The following TF variants were observed in gnomAD, a reference collection of about 807,000 sequenced individuals.
TF encodes the protein serotransferrin.
A neutral mutation model predicts 82.4 loss-of-function variants in TF; 55 were observed. The observed-to-expected ratio is 0.67, with a 90% CI of 0.54 to 0.84. The LOEUF (loss-of-function observed/expected upper bound fraction) is 0.84. TF is among the 40% of genes least tolerant of loss of function. The pLI is 0.00. For synonymous variants in TF, 332 were observed against 332.6 expected, an observed-to-expected ratio of 1.00 and a Z score of 0.02; for missense variants, 737 against 868.4, an observed-to-expected ratio of 0.85 and a Z score of 1.90.
At chr3:133,720,281 T>G in the TF span, among the ~76,000 whole-genome samples, 81 of 152,256 alleles carry the variant, frequency 5.3e-4, no homozygotes, top group East Asian at 5.6e-3. Context: ...CTTTCTGTAC[T>G]TAATTTGTTC....
intron 12 of TF, among the ~76,000 whole-genome samples, chr3:133,766,934 T>A (rs768906956): frequency 2.0e-5 from 3 of 152,202 alleles, no homozygotes; most frequent in Non-Finnish European, 2.9e-5. Context: ...AACTTCTCAT[T>A]GCCCAGAACT....
the TF span, among the ~76,000 whole-genome samples, chr3:133,696,475 G>C: frequency 6.6e-6 from 1 of 152,118 alleles, no homozygotes; most frequent in African/African-American, 2.4e-5. Context: ...CCTTGAATAA[G>C]GTGGGACTCT....
the TF span, among the ~76,000 whole-genome samples, chr3:133,732,231 G>A: frequency 6.6e-6 from 1 of 152,338 alleles, no homozygotes; most frequent in South Asian, 2.1e-4. Flanking sequence ...ATTATTGAGA[G>A]GTGAAGCTGG....
the TF span, among the ~76,000 whole-genome samples, chr3:133,703,664 A>G: frequency 1.3e-5 from 2 of 151,340 alleles, no homozygotes; most frequent in Non-Finnish European, 2.9e-5. Flanking sequence ...ATGTATATGC[A>G]TGTTTTTATC....
chr3:133,694,025 C>T, the TF span, among the ~76,000 whole-genome samples: 68 of 152,322 alleles, frequency 4.5e-4, no homozygotes, highest in South Asian at 6.8e-3. Flanking sequence ...ACACTCCCTC[C>T]GGCATGGGCA....
the TF span, among the ~76,000 whole-genome samples, chr3:133,668,174 C>T: frequency 4.6e-5 from 7 of 152,176 alleles, no homozygotes; most frequent in Non-Finnish European, 7.3e-5. Context: ...CTGAAGGTTA[C>T]GAACATTTTG....
chr3:133,731,846 C>T, the TF span, among the ~76,000 whole-genome samples: 1 of 152,230 alleles, frequency 6.6e-6, no homozygotes, highest in African/African-American at 2.4e-5. Flanking sequence ...GAGTCTTTGA[C>T]TCCAATCCCA....
chr3:133,720,216 T>C, the TF span, among the ~76,000 whole-genome samples: 1 of 152,218 alleles, frequency 6.6e-6, no homozygotes, highest in Admixed American at 6.5e-5. Flanking sequence ...CCTCCTTCAG[T>C]ATGATGTTAG....
At chr3:133,750,204 T>C (rs964063283) in intron 2 of TF, among the ~76,000 whole-genome samples, 8 of 152,178 alleles carry the variant, frequency 5.3e-5, no homozygotes, top group African/African-American at 1.9e-4. Flanking sequence ...CAGGTACATT[T>C]TCCTGGCAGC....
the TF span, among the ~76,000 whole-genome samples, chr3:133,695,064 G>A: frequency 3.9e-5 from 6 of 151,940 alleles, no homozygotes; most frequent in East Asian, 1.9e-4. Context: ...AGACAAAGCC[G>A]TCACCTCTGT....
chr3:133,746,582 G>A (rs756788619), intron 1 of TF, 99 bp downstream of exon 1: 21 of 1,384,076 alleles, frequency 1.5e-5, no homozygotes, highest in Admixed American at 4.0e-5. Context: ...CCGCGCTCAG[G>A]CTGGAAGCCT....
At chr3:133,750,727 C>T (rs1436981410) in intron 2 of TF, among the ~76,000 whole-genome samples, 1 of 152,068 alleles carries the variant, frequency 6.6e-6, no homozygotes, top group Non-Finnish European at 1.5e-5. Flanking sequence ...ACCACTCTCC[C>T]AACCCCACTG....
intron 14 of TF, chr3:133,775,189 C>T: frequency 1.7e-6 from 1 of 575,728 alleles, no homozygotes; most frequent in East Asian, 3.0e-5. Context: ...AGTTCATTCT[C>T]ACCTGGCTGG....
intron 13 of TF, among the ~76,000 whole-genome samples, chr3:133,770,104 C>T (rs1186772771): frequency 6.6e-6 from 1 of 152,168 alleles, no homozygotes; most frequent in East Asian, 1.9e-4. Context: ...GCACAAATTG[C>T]AATTTGTGAT....
At chr3:133,688,933 G>GA in the TF span, among the ~76,000 whole-genome samples, 3 of 152,072 alleles carry the variant, frequency 2.0e-5, no homozygotes, top group South Asian at 2.1e-4. Context: ...TGTTAATTGT[G>GA]AAAAAAATCC....
At chr3:133,705,601 C>T in the TF span, among the ~76,000 whole-genome samples, 1 of 152,186 alleles carries the variant, frequency 6.6e-6, no homozygotes, top group Non-Finnish European at 1.5e-5. Flanking sequence ...GCTTGCAGAA[C>T]CTTAACCCAC....
chr3:133,712,351 C>T, the TF span, among the ~76,000 whole-genome samples: 1 of 152,126 alleles, frequency 6.6e-6, no homozygotes, highest in Admixed American at 6.5e-5. Flanking sequence ...CCGGGTTCTG[C>T]GAGCCAGGAC....
upstream of TF, among the ~76,000 whole-genome samples, chr3:133,742,856 C>T (rs933820829): frequency 3.3e-5 from 5 of 152,198 alleles, no homozygotes; most frequent in African/African-American, 4.8e-5. Flanking sequence ...CTTTCCTGCA[C>T]GTACACACAA....
the TF span, among the ~76,000 whole-genome samples, chr3:133,672,277 C>A: frequency 6.6e-6 from 1 of 152,030 alleles, no homozygotes; most frequent in African/African-American, 2.4e-5. Context: ...GTGAGGCCTT[C>A]CGAACATTTA....
Sources: allele counts gnomAD v4.1 joint callset (sites outside exome capture counted in the v4.1 genomes callset), GRCh38; gene constraint gnomAD v4.1.1; transcripts MANE v1.5; gene names NCBI Gene and HGNC (gene_info 2026-07-23, HGNC 2026-07-21).